Variants in NFIA observed in about 807,000 individuals in gnomAD.
NFIA encodes nuclear factor 1 A-type.
Under a neutral mutation model 62.8 loss-of-function variants are expected in NFIA, and 8 were observed. That is an observed-to-expected ratio of 0.13 (90% CI 0.07 to 0.23). The LOEUF (loss-of-function observed/expected upper bound fraction) is 0.23, where lower values mean the gene tolerates loss of function less well. Among genes scored for constraint, NFIA ranks in the 10% least tolerant of loss-of-function variants. NFIA has a pLI of 1.00. For missense variants in NFIA, 410 were observed against 642.1 expected, an observed-to-expected ratio of 0.64 and a Z score of 3.91; for synonymous variants, 235 against 238.1, an observed-to-expected ratio of 0.99 and a Z score of 0.12.
At chr1:61,248,315 G>C (rs11809865) in intron 2 of NFIA, among the ~76,000 whole-genome samples, 2 of 152,106 alleles carry the variant, frequency 1.3e-5, no homozygotes, top group Non-Finnish European at 1.5e-5. Context: ...TAACTAAAAG[G>C]CTTCGGTGAG....
intron 8 of NFIA, among the ~76,000 whole-genome samples, chr1:61,404,948 C>T (rs1023170061): frequency 6.6e-6 from 1 of 152,106 alleles, no homozygotes; most frequent in African/African-American, 2.4e-5. Flanking sequence ...TTTTAAAAAT[C>T]AGAAATTTTA....
At chr1:61,171,321 A>G (rs1433061535) in intron 2 of NFIA, among the ~76,000 whole-genome samples, 2 of 152,214 alleles carry the variant, frequency 1.3e-5, no homozygotes, top group African/African-American at 4.8e-5. Context: ...TCGAAATGTG[A>G]TATATTTTAG....
chr1:61,104,732 A>G (rs1163413813), intron 2 of NFIA, among the ~76,000 whole-genome samples: 3 of 152,056 alleles, frequency 2.0e-5, no homozygotes, highest in Non-Finnish European at 4.4e-5. Flanking sequence ...GCAAGAAATG[A>G]TGGAAACATT....
intron 4 of NFIA, among the ~76,000 whole-genome samples, chr1:61,335,248 G>A (rs72666620): frequency 0.022 from 3,322 of 152,262 alleles, 49 homozygotes; most frequent in Middle Eastern, 0.044. Flanking sequence ...CAAACTAGTC[G>A]ACTGTAGTCA....
chr1:61,187,606 T>C (rs1651287797), intron 2 of NFIA, among the ~76,000 whole-genome samples: 1 of 152,220 alleles, frequency 6.6e-6, no homozygotes. Flanking sequence ...CCTTTCTTTC[T>C]AGACTCAGTA....
chr1:61,131,163 T>C (rs563105571), intron 2 of NFIA, among the ~76,000 whole-genome samples: 1 of 152,038 alleles, frequency 6.6e-6, no homozygotes, highest in Non-Finnish European at 1.5e-5. Context: ...TATGACTTTT[T>C]TTTTTTTTTT....
intron 6 of NFIA, among the ~76,000 whole-genome samples, chr1:61,362,976 A>G (rs999902356): frequency 1.3e-5 from 2 of 152,230 alleles, no homozygotes; most frequent in Admixed American, 1.3e-4. Context: ...CAGCGCCCAC[A>G]TTGGGTCAGA....
At chr1:61,337,897 C>T (rs1661697847) in intron 4 of NFIA, among the ~76,000 whole-genome samples, 1 of 152,200 alleles carries the variant, frequency 6.6e-6, no homozygotes, top group African/African-American at 2.4e-5. Context: ...AGAAAGTTCT[C>T]CTGAAAAATC....
intron 2 of NFIA, among the ~76,000 whole-genome samples, chr1:61,133,179 A>G (rs1647112248): frequency 6.6e-6 from 1 of 151,916 alleles, no homozygotes; most frequent in African/African-American, 2.4e-5. Flanking sequence ...TGTGTAACTC[A>G]AATAGATGTT....
chr1:61,100,576 C>T (rs1414736973), intron 2 of NFIA, among the ~76,000 whole-genome samples: 1 of 152,224 alleles, frequency 6.6e-6, no homozygotes, highest in East Asian at 1.9e-4. Flanking sequence ...GTTTTTAAAA[C>T]ACTTATAAAA....
intron 5 of NFIA, among the ~76,000 whole-genome samples, chr1:61,355,798 G>A (rs1023615038): frequency 6.6e-6 from 1 of 152,024 alleles, no homozygotes; most frequent in Non-Finnish European, 1.5e-5. Context: ...TGTTGCCCAC[G>A]GTGGTCTCTC....
At position 61,461,704 on chromosome 1, in the gene NFIA, C is replaced by T. The variant is rs972684746; in HGVS notation, c.*6384C>T. 1.3e-5 allele frequency: 2 copies of T among 152,118 alleles called. No individual in the cohort carries two copies. Among genetic ancestry groups the T allele is most frequent in the African/African-American group, 2.4e-5 (1 of 41,404 alleles). The allele number at this position is 152,118 out of a possible 1,614,324, so 9.4% of individuals were successfully genotyped here. A position where few individuals can be genotyped will look rare whatever the true frequency, so the allele number is the denominator to read the frequency against. On this transcript the variant is annotated 3_prime_UTR_variant, in exon 11 of 11. Transcript: ENST00000403491. ...CCTGAGTTTTACATGTAGATGCATT[C>T]GCCTATTTGATTCAGAAAAATAAAC...
At chr1:61,356,700 G>C (rs1662973421) in intron 5 of NFIA, among the ~76,000 whole-genome samples, 1 of 152,134 alleles carries the variant, frequency 6.6e-6, no homozygotes, top group African/African-American at 2.4e-5. Flanking sequence ...TTCAAGGAAA[G>C]CCCAGCAAAG....
intron 2 of NFIA, among the ~76,000 whole-genome samples, chr1:61,209,701 A>G (rs890105999): frequency 6.7e-6 from 1 of 149,016 alleles, no homozygotes; most frequent in Non-Finnish European, 1.5e-5. Flanking sequence ...AACAACAACA[A>G]ATTAGCCAGG....
chr1:61,304,044 G>A (rs926796570), intron 3 of NFIA, among the ~76,000 whole-genome samples: 4 of 151,898 alleles, frequency 2.6e-5, no homozygotes, highest in Non-Finnish European at 5.9e-5. Flanking sequence ...GGAGGCCAAG[G>A]TGGGCCAGAT....
intron 6 of NFIA, among the ~76,000 whole-genome samples, chr1:61,375,553 G>C (rs1047460350): frequency 6.6e-6 from 1 of 152,186 alleles, no homozygotes; most frequent in South Asian, 2.1e-4. Context: ...CCCTCACCCA[G>C]AAGTAGGGAT....
chr1:61,090,597 A>G (rs1646303280), intron 2 of NFIA, among the ~76,000 whole-genome samples: 1 of 152,194 alleles, frequency 6.6e-6, no homozygotes, highest in South Asian at 2.1e-4. Flanking sequence ...GGTTGTTGCA[A>G]TGCCTGAAGG....
chr1:61,228,608 T>A (rs914459260), intron 2 of NFIA, among the ~76,000 whole-genome samples: 1 of 152,262 alleles, frequency 6.6e-6, no homozygotes, highest in African/African-American at 2.4e-5. Flanking sequence ...TCTAAAATTT[T>A]AAAATTTCTG....
At chr1:61,200,038 A>ATATATATATATATG (rs1652344177) in intron 2 of NFIA, among the ~76,000 whole-genome samples, 1 of 46,988 alleles carries the variant, frequency 2.1e-5, no homozygotes, top group African/African-American at 1.1e-4. Flanking sequence ...ATATATATAT[A>ATATATATATATATG]TATATATATA....
Sources: allele counts gnomAD v4.1 joint callset (sites outside exome capture counted in the v4.1 genomes callset), GRCh38; gene constraint gnomAD v4.1.1; transcripts MANE v1.5; gene names NCBI Gene and HGNC (gene_info 2026-07-23, HGNC 2026-07-21).